The following RPP40 variants were observed in gnomAD, a reference collection of about 807,000 sequenced individuals.
The protein encoded by RPP40 is ribonuclease P protein subunit p40.
RPP40 carries 30 observed loss-of-function variants against 42.5 expected under a neutral mutation model. The ratio of observed to expected loss-of-function variants is 0.71; its 90% CI spans 0.53 to 0.96. RPP40 has a LOEUF of 0.96. Ranked by LOEUF, RPP40 falls within the 40% of genes least tolerant of loss-of-function variation. RPP40 has a pLI of 0.00. For synonymous variants in RPP40, 173 were observed against 164.0 expected (o/e 1.05, Z -0.42); for missense variants, 426 against 433.5 (o/e 0.98, Z 0.15).
Position 5,002,089 on chromosome 6 carries a change from G to T in RPP40, c.268+12C>A. Reference sequence around the variant, plus strand: ...TCCAGCCTTGTTCACAGCCATTTCAGGTTTTTCTTACCTTTCTTTATAAAG... The same window carrying T: ...TCCAGCCTTGTTCACAGCCATTTCATGTTTTTCTTACCTTTCTTTATAAAG... On this transcript the variant is annotated intron_variant, in intron 2 of 7. Transcript: ENST00000380051. 6.2e-7 allele frequency: 1 copy of T among 1,609,362 alleles called. No homozygotes were observed. The highest frequency in any genetic ancestry group is 8.5e-7 in the Non-Finnish European group (1 of 1,177,412).
chr6:4,999,189 A>G (rs915314838), intron 4 of RPP40, among the ~76,000 whole-genome samples: 1 of 151,954 alleles, frequency 6.6e-6, no homozygotes, highest in Non-Finnish European at 1.5e-5. Flanking sequence ...CTCTTCACTC[A>G]TGGGTGAATT....
rs770555822 is a variant in RPP40 at position 5,002,145 on chromosome 6, T to A, written c.224A>T (p.His75Leu). 1.2e-6 allele frequency: 2 copies of A among 1,613,100 alleles called. No homozygotes were observed. Among genetic ancestry groups the A allele is most frequent in the South Asian group, 1.1e-5 (1 of 90,998 alleles). Residue 75 changes from histidine to leucine, a missense_variant, in exon 2 of 8, where the codon CAT becomes CTT. His to Leu is a moderately conservative substitution (Grantham distance 99, BLOSUM62 -3). Coordinates refer to ENST00000380051, the MANE Select transcript of RPP40 (RefSeq NM_006638.4). ...PYYFVKNLPL[H>L]ELITPEFIST... Reference sequence around the variant, plus strand: ...GATGAATTCAGGTGTAATTAATTCATGAAGAGGTAAATTCTTCACAAAGTA... The same window carrying A: ...GATGAATTCAGGTGTAATTAATTCAAGAAGAGGTAAATTCTTCACAAAGTA...
In RPP40 at chr6:5,004,027, C is replaced by A. The variant is rs1480046205; in HGVS notation, c.-25G>T. On this transcript the variant is annotated 5_prime_UTR_variant, in exon 1 of 8. Coordinates refer to ENST00000380051, the MANE Select transcript of RPP40 (RefSeq NM_006638.4). ...TGCTCTCCTGGGTTCCTGGTCCTCC[C>A]GGCCTCCGCTGGCGGGGCACGCCCC... 1 of 1,575,524 alleles carries A rather than the reference C, an allele frequency of 6.3e-7. No individual in the cohort carries two copies. Among genetic ancestry groups the A allele is most frequent in the Non-Finnish European group, 8.6e-7 (1 of 1,160,982 alleles).
chr6:5,000,508 T>TTA lies in RPP40; in HGVS notation c.337+54_337+55insTA, dbSNP rs55786160. 126 of 1,033,702 alleles carry TTA rather than the reference T, an allele frequency of 1.2e-4. No individual in the cohort carries two copies. In the African/African-American group the frequency reaches 2.0e-3, roughly 17 times the overall value. The allele number at this position is 1,033,702 out of a possible 1,614,324, so 64.0% of individuals were successfully genotyped here. A position where few individuals can be genotyped will look rare whatever the true frequency, so the allele number is the denominator to read the frequency against. On this transcript the variant is annotated intron_variant, in intron 3 of 7. Coordinates refer to ENST00000380051, the MANE Select transcript of RPP40 (RefSeq NM_006638.4). ...CAGCTGACTTTTTTTTTTTTTTTTT[T>TTA]ACAGTATGCATTTTTTTTTAACAAT...
At chr6:5,002,276 T>G in intron 1 of RPP40, 31 bp from the exon 2 acceptor site, 3 of 1,544,880 alleles carry the variant, frequency 1.9e-6, no homozygotes, top group Non-Finnish European at 2.6e-6. Flanking sequence ...AACAAGGTCT[T>G]ACTTCCATGA....
At position 4,998,756 on chromosome 6, in the gene RPP40, C is replaced by T; in HGVS notation, c.519G>A (p.Lys173=). The T allele has an allele frequency of 6.4e-7, 1 of 1,562,384 alleles. No homozygotes were observed. Among genetic ancestry groups the T allele is most frequent in the Non-Finnish European group, 8.7e-7 (1 of 1,147,850 alleles). ...ERISWSFKEK[K]PLKFDFLLAW... ...CCAAAAGAAAATCAAATTTCAATGG[C>T]TTCTTTTCTTTGAAAGACCAAGATA... The change falls in exon 5 of 8, where the codon AAG becomes AAA. Residue 173 remains lysine (K), a synonymous_variant. Transcript: ENST00000380051.
At position 4,995,166 on chromosome 6, in the gene RPP40, C is replaced by T. The variant is rs770093785; in HGVS notation, c.1004G>A (p.Gly335Glu). The T allele has an allele frequency of 4.3e-6, 7 of 1,613,908 alleles. No individual in the cohort carries two copies. The highest frequency in any genetic ancestry group is 5.1e-6 in the Non-Finnish European group (6 of 1,179,930). Residue 335 changes from glycine (G) to glutamate (E), a missense_variant, in exon 8 of 8, where the codon GGA (glycine) becomes GAA (glutamate). Transcript: ENST00000380051. Reference protein sequence around the residue: ...EKNEHGFRKGGEHLYNFVIFN... With the variant: ...EKNEHGFRKGEEHLYNFVIFN... ...AATCACAAAGTTATATAAATGTTCT[C>T]CTCCTTTTCGAAAACCATGTTCATT... is the stretch of plus-strand genomic sequence containing the variant.
Position 4,999,831 on chromosome 6 carries a change from A to T in RPP40, c.411T>A (p.Ser137=). 1 of 1,603,064 alleles carries T rather than the reference A, an allele frequency of 6.2e-7. No individual in the cohort carries two copies. Among genetic ancestry groups the T allele is most frequent in the East Asian group, 2.2e-5 (1 of 44,766 alleles). Residue 137 remains serine, a synonymous_variant, in exon 4 of 8, where the codon TCT becomes TCA. Coordinates refer to ENST00000380051, the MANE Select transcript of RPP40 (RefSeq NM_006638.4). ...TGLQGHPSQF[S]GRKIMKFIVS... is the part of the protein sequence containing the mutation. ...TACTAAATTTCATAATTTTTCTGCCAGAAAACTGAGATGGATGACCCTGAA... is the reference window on the plus strand; with the variant it reads ...TACTAAATTTCATAATTTTTCTGCCTGAAAACTGAGATGGATGACCCTGAA...
downstream of RPP40, among the ~76,000 whole-genome samples, chr6:4,990,661 T>A (rs902459749): frequency 6.6e-6 from 1 of 151,492 alleles, no homozygotes; most frequent in Non-Finnish European, 1.5e-5. Flanking sequence ...TTTTTTTTTT[T>A]TTTTTTTTGG....
downstream of RPP40, among the ~76,000 whole-genome samples, chr6:4,994,503 G>A (rs1405090167): frequency 2.0e-5 from 3 of 152,142 alleles, no homozygotes; most frequent in South Asian, 2.1e-4. Flanking sequence ...GTTCTGTAAC[G>A]ATTTACAGTA....
downstream of RPP40, among the ~76,000 whole-genome samples, chr6:4,991,579 T>G (rs895365149): frequency 6.6e-6 from 1 of 152,228 alleles, no homozygotes; most frequent in Non-Finnish European, 1.5e-5. Flanking sequence ...TTATTGATTT[T>G]CTGCCTACTT....
chr6:4,998,135 G>C (rs1759437801), intron 5 of RPP40, among the ~76,000 whole-genome samples: 1 of 152,188 alleles, frequency 6.6e-6, no homozygotes. Flanking sequence ...CTCCAAAAGA[G>C]AGTACTACAC....
At chr6:5,001,557 T>C (rs1466511227) in intron 2 of RPP40, among the ~76,000 whole-genome samples, 3 of 152,136 alleles carry the variant, frequency 2.0e-5, no homozygotes, top group Non-Finnish European at 4.4e-5. Context: ...TGAAATAGTT[T>C]CAAACAAATG....
chr6:4,997,728 T>C (rs1759425118), intron 5 of RPP40, among the ~76,000 whole-genome samples: 1 of 152,180 alleles, frequency 6.6e-6, no homozygotes, highest in Non-Finnish European at 1.5e-5. Flanking sequence ...GCTACTACCA[T>C]TCCTCTGAGG....
intron 2 of RPP40, chr6:5,001,891 A>G: frequency 2.0e-6 from 1 of 497,008 alleles, no homozygotes. Flanking sequence ...CCCATCCAAC[A>G]CTTGTGGCCA....
downstream of RPP40, among the ~76,000 whole-genome samples, chr6:4,993,041 A>G (rs191489705): frequency 5.9e-5 from 9 of 152,300 alleles, no homozygotes; most frequent in Non-Finnish European, 1.3e-4. Flanking sequence ...TACATATATT[A>G]TAAATCCTAC....
chr6:4,992,206 G>A (rs533728512), downstream of RPP40, among the ~76,000 whole-genome samples: 469 of 149,346 alleles, frequency 3.1e-3, 6 homozygotes, highest in African/African-American at 0.011. Flanking sequence ...ACAAAAAAAC[G>A]AAACAAAAAA....
chr6:4,989,684 T>C, the RPP40 span, among the ~76,000 whole-genome samples: 1 of 152,240 alleles, frequency 6.6e-6, no homozygotes, highest in African/African-American at 2.4e-5. Context: ...ATTTATGCTA[T>C]TGCAAAGGTA....
At chr6:4,998,055 T>G (rs1372204489) in intron 5 of RPP40, among the ~76,000 whole-genome samples, 2 of 152,210 alleles carry the variant, frequency 1.3e-5, no homozygotes, top group Admixed American at 6.5e-5. Context: ...GAGCACCCAG[T>G]GACGAGACAC....
Sources: allele counts gnomAD v4.1 joint callset (sites outside exome capture counted in the v4.1 genomes callset), GRCh38; gene constraint gnomAD v4.1.1; transcripts MANE v1.5; gene names NCBI Gene and HGNC (gene_info 2026-07-23, HGNC 2026-07-21).